Variants in GRK2 observed in about 807,000 individuals in gnomAD.
GRK2 encodes the protein adrenergic beta receptor kinase 1.
Under a neutral mutation model 97.8 loss-of-function variants are expected in GRK2, and 23 were observed. That is an observed-to-expected ratio of 0.24 (90% confidence interval 0.17 to 0.33). The LOEUF is 0.33. Ranked by LOEUF, GRK2 falls within the 10% of genes least tolerant of loss-of-function variation. GRK2 has a pLI of 1.00. For missense variants in GRK2, 633 were observed against 956.9 expected (o/e 0.66, Z 4.47); for synonymous variants, 425 against 381.7 (o/e 1.11, Z -1.32).
chr11:67,277,028 AG>A (rs997875731), intron 1 of GRK2: 47 of 421,898 alleles, frequency 1.1e-4, no homozygotes, highest in African/African-American at 7.8e-4. Context: ...GCCTCTGAGC[AG>A]GGGGCCACCT....
In GRK2 at chr11:67,286,443, C is replaced by T. The variant is rs777782722; in HGVS notation, c.*993C>T. Reference sequence around the variant, plus strand: ...CTTCTCCCCCCCGGGGCTGGGTTGGCGCACCCTCCCCTCCCGTCTACTCAT... The same window carrying T: ...CTTCTCCCCCCCGGGGCTGGGTTGGTGCACCCTCCCCTCCCGTCTACTCAT... On this transcript the variant is annotated 3_prime_UTR_variant, in exon 21 of 21. Coordinates refer to ENST00000308595, the MANE Select transcript of GRK2 (RefSeq NM_001619.5). 4.4e-5 allele frequency: 31 copies of T among 699,366 alleles called. No homozygotes were observed. The highest frequency in any genetic ancestry group is 1.2e-4 in the South Asian group (8 of 67,414). 43.3% of individuals were successfully genotyped at this position (699,366 alleles called of 1,614,324 possible).
chr11:67,267,579 A>G (rs562182188), intron 1 of GRK2, among the ~76,000 whole-genome samples: 1 of 152,264 alleles, frequency 6.6e-6, no homozygotes, highest in Admixed American at 6.5e-5. Flanking sequence ...GGTGCTGTTG[A>G]CCAGGGGCCC....
intron 3 of GRK2, 27 bp downstream of exon 3, chr11:67,279,300 T>C: frequency 6.2e-7 from 1 of 1,612,624 alleles, no homozygotes; most frequent in Non-Finnish European, 8.5e-7. Flanking sequence ...CAAGCCCTGC[T>C]CTGCCTGGAG....
At chr11:67,277,221 G>A (rs1860049877) in intron 1 of GRK2, 51 bp from the exon 2 acceptor site, 1 of 1,590,192 alleles carries the variant, frequency 6.3e-7, no homozygotes, top group Non-Finnish European at 8.6e-7. Context: ...TGGGCCTGCA[G>A]CCCCCACGGG....
chr11:67,284,801 G>A, intron 18 of GRK2, 46 bp from the exon 19 acceptor site: 1 of 1,592,338 alleles, frequency 6.3e-7, no homozygotes, highest in East Asian at 2.3e-5. Context: ...AAACAAAAAA[G>A]AAACCCAGGT....
chr11:67,284,429 C>T, intron 18 of GRK2, 56 bp downstream of exon 18: 1 of 1,583,276 alleles, frequency 6.3e-7, no homozygotes, highest in Non-Finnish European at 8.6e-7. Context: ...AAGTGAGCAG[C>T]TGGCTCGGGT....
intron 2 of GRK2, among the ~76,000 whole-genome samples, chr11:67,277,781 C>A (rs1860066770): frequency 6.6e-6 from 1 of 152,190 alleles, no homozygotes; most frequent in Non-Finnish European, 1.5e-5. Context: ...TGTTGGCCCT[C>A]CATTCCTCCT....
At position 67,281,627 on chromosome 11, in the gene GRK2, C is replaced by T. The variant is rs777192967; in HGVS notation, c.748-23C>T. The T allele has an allele frequency of 1.3e-5, 21 of 1,582,440 alleles. 1 individual carries two copies. In the South Asian group the frequency reaches 1.9e-4, roughly 14 times the overall value. ...GGGCGCCCCTGCTAACTGCCCGCCC[C>T]CTCCCCTCCTCTCCCCTCCTAGGAC... On this transcript the variant is annotated intron_variant, in intron 9 of 20. Coordinates refer to ENST00000308595, the MANE Select transcript of GRK2 (RefSeq NM_001619.5). The surrounding 1 kb of genome is among the most constrained non-coding windows in gnomAD (Gnocchi z 5.7).
chr11:67,286,211 C>A lies in GRK2; in HGVS notation c.*761C>A, dbSNP rs1237965060. 2 of 555,044 alleles carry A rather than the reference C, an allele frequency of 3.6e-6. No homozygotes were observed. The highest frequency in any genetic ancestry group is 6.3e-6 in the Non-Finnish European group (2 of 315,884). The allele number at this position is 555,044 out of a possible 1,614,324, so 34.4% of individuals were successfully genotyped here. Reference sequence around the variant, plus strand: ...CTCGCTGATGCTGGGCTGGGTGCGACCCCATCTGCCCAGGACGGGGCCGGC... The same window carrying A: ...CTCGCTGATGCTGGGCTGGGTGCGAACCCATCTGCCCAGGACGGGGCCGGC... On this transcript the variant is annotated 3_prime_UTR_variant, in exon 21 of 21. Coordinates refer to ENST00000308595, the MANE Select transcript of GRK2 (RefSeq NM_001619.5).
chr11:67,267,162 G>A (rs890676965), intron 1 of GRK2, among the ~76,000 whole-genome samples: 38 of 152,136 alleles, frequency 2.5e-4, no homozygotes, highest in African/African-American at 8.4e-4. Context: ...CTCCCACGGG[G>A]GCCCGGCGCG....
rs1279209324 is a variant in GRK2, at chr11:67,266,660, G to A, written c.-40G>A. On this transcript the variant is annotated 5_prime_UTR_variant, in exon 1 of 21. Coordinates refer to ENST00000308595, the MANE Select transcript of GRK2 (RefSeq NM_001619.5). Reference sequence around the variant, plus strand: ...GCGCCGAGCGAGCAGGAGCGGCGGCGGCGGCGGCGGCGGCGGGAGGAGGCA... The same window carrying A: ...GCGCCGAGCGAGCAGGAGCGGCGGCAGCGGCGGCGGCGGCGGGAGGAGGCA... 1.0e-4 allele frequency: 96 copies of A among 962,534 alleles called. No homozygotes were observed. Among genetic ancestry groups the A allele is most frequent in the Admixed American group, 2.3e-4 (4 of 17,704 alleles). The allele number at this position is 962,534 out of a possible 1,614,324, so 59.6% of individuals were successfully genotyped here.
chr11:67,283,999 G>A, intron 17 of GRK2, 50 bp downstream of exon 17: 1 of 1,519,756 alleles, frequency 6.6e-7, no homozygotes, highest in South Asian at 1.2e-5. Flanking sequence ...TCCTGGCCTG[G>A]GGAAGGATCC....
At chr11:67,270,814 GT>G in intron 1 of GRK2, 1 of 152,348 alleles carries the variant, frequency 6.6e-6, no homozygotes, top group South Asian at 2.1e-4. Flanking sequence ...CCCGCCTGCC[GT>G]TACCTGGGTA....
At chr11:67,283,539 C>A in intron 15 of GRK2, 168 bp from the exon 16 acceptor site, 1 of 708,352 alleles carries the variant, frequency 1.4e-6, no homozygotes, top group Non-Finnish European at 2.4e-6. Flanking sequence ...GTGTTAAAAC[C>A]CACAACCCTA....
Position 67,282,863 on chromosome 11 carries a change from C to A in GRK2, c.1227+45C>A. On this transcript the variant is annotated intron_variant, in intron 14 of 20. Coordinates refer to ENST00000308595, the MANE Select transcript of GRK2 (RefSeq NM_001619.5). This position sits in a 1 kb window ranked among gnomAD's most constrained non-coding sequence, Gnocchi z 6.9. ...CAGGGCCGCAGGGGGCTGGGGGGAG[C>A]TCCTGTGGGTGCCAGGCCATGACTC... 1 of 1,569,838 alleles carries A rather than the reference C, an allele frequency of 6.4e-7. No individual in the cohort carries two copies. Among genetic ancestry groups the A allele is most frequent in the Non-Finnish European group, 8.6e-7 (1 of 1,157,456 alleles).
rs768518674 is a variant in GRK2 at position 67,282,344 on chromosome 11, A to G, written c.1031A>G (p.Lys344Arg). 2 of 1,613,516 alleles carry G rather than the reference A, an allele frequency of 1.2e-6. No individual in the cohort carries two copies. The highest frequency in any genetic ancestry group is 1.7e-6 in the Non-Finnish European group (2 of 1,179,934). ...SDLGLACDFSKKKPHASVGTH... is the reference protein window; with the variant it reads ...SDLGLACDFSRKKPHASVGTH... ...CTGGGCCTGGCCTGTGACTTCTCCA[A>G]GAAGAAGCCCCATGCCAGCGTGTGA... is the stretch of plus-strand genomic sequence containing the variant. Residue 344 changes from lysine to arginine, a missense_variant, in exon 12 of 21, where the codon AAG becomes AGG. Physicochemically the swap from Lys to Arg is conservative, Grantham distance 26. Transcript: ENST00000308595. This position sits in a 1 kb window ranked among gnomAD's most constrained non-coding sequence, Gnocchi z 6.9.
Position 67,281,402 on chromosome 11 carries a change from GCA to G in GRK2, c.648-56_648-55del, listed in dbSNP as rs1179282509. On this transcript the variant is annotated intron_variant, in intron 8 of 20. Coordinates refer to ENST00000308595, the MANE Select transcript of GRK2 (RefSeq NM_001619.5). This position sits in a 1 kb window ranked among gnomAD's most constrained non-coding sequence, Gnocchi z 5.7. ...GTCTTTCCCTCAAGCGCCCCCTGAG[GCA>G]GCCCTGGGCCCCTGCTCTGAGGGTG... The G allele has an allele frequency of 1.5e-5, 22 of 1,515,588 alleles. No homozygotes were observed. The highest frequency in any genetic ancestry group is 1.9e-5 in the Non-Finnish European group (21 of 1,094,346). The allele number at this position is 1,515,588 out of a possible 1,614,324, so 93.9% of individuals were successfully genotyped here.
chr11:67,283,818 C>A (rs1210165972), intron 16 of GRK2, 36 bp from the exon 17 acceptor site: 2 of 1,611,874 alleles, frequency 1.2e-6, no homozygotes, highest in African/African-American at 2.7e-5. Flanking sequence ...CAGCCCCACC[C>A]CCGAGCTAAT....
intron 15 of GRK2, 26 bp downstream of exon 15, chr11:67,283,254 G>C: frequency 1.3e-6 from 2 of 1,590,280 alleles, no homozygotes; most frequent in Non-Finnish European, 8.6e-7. Flanking sequence ...CCTTGGGCAT[G>C]CTGCTGGCTG....
Sources: allele counts gnomAD v4.1 joint callset (sites outside exome capture counted in the v4.1 genomes callset), GRCh38; gene constraint gnomAD v4.1.1; non-coding constraint Gnocchi (gnomAD v3.1); transcripts MANE v1.5; gene names NCBI Gene and HGNC (gene_info 2026-07-23, HGNC 2026-07-21).